Variants in MYL4 observed in about 807,000 individuals in gnomAD.
MYL4 encodes atrial myosin light chain 1.
A neutral mutation model predicts 21.6 loss-of-function variants in MYL4; 16 were observed. That is an observed-to-expected ratio of 0.74 (90% CI 0.50 to 1.12). The LOEUF is 1.12. Ranked by LOEUF, MYL4 falls within the 50% of genes most tolerant of loss-of-function variation. The pLI is 0.00. For missense variants in MYL4, 249 were observed against 252.9 expected, an observed-to-expected ratio of 0.98 and a Z score of 0.11; for synonymous variants, 82 against 95.7, an observed-to-expected ratio of 0.86 and a Z score of 0.83.
chr17:47,206,731 T>A (rs1206392494), upstream of MYL4, among the ~76,000 whole-genome samples: 1 of 152,166 alleles, frequency 6.6e-6, no homozygotes, highest in African/African-American at 2.4e-5. Context: ...CTCCTGATTG[T>A]TTTTCCTTTT....
chr17:47,221,920 G>A, intron 4 of MYL4, 65 bp downstream of exon 4: 1 of 1,551,348 alleles, frequency 6.4e-7, no homozygotes, highest in Non-Finnish European at 8.8e-7. Context: ...GTGCCAAGGT[G>A]ACATATGCTG....
At chr17:47,204,565 G>T (rs1249651264), upstream of MYL4, among the ~76,000 whole-genome samples, 1 of 152,004 alleles carries the variant, frequency 6.6e-6, no homozygotes, top group Non-Finnish European at 1.5e-5. Flanking sequence ...GAAAACTGAG[G>T]CATGAAGAAG....
At chr17:47,209,345 C>T, upstream of MYL4, 3 of 1,597,540 alleles carry the variant, frequency 1.9e-6, no homozygotes, top group South Asian at 3.3e-5. Context: ...AGCCCAGGCT[C>T]CTATCTCATC....
chr17:47,226,132 C>T (rs1050285309), downstream of MYL4, among the ~76,000 whole-genome samples: 13 of 152,094 alleles, frequency 8.5e-5, no homozygotes, highest in Non-Finnish European at 1.8e-4. Context: ...AAAGTGTTTT[C>T]CTTGCCCAAA....
the MYL4 span, among the ~76,000 whole-genome samples, chr17:47,192,976 G>A: frequency 6.6e-6 from 1 of 152,082 alleles, no homozygotes; most frequent in African/African-American, 2.4e-5. Context: ...AGTCAGATTT[G>A]GAGGCTGGCA....
downstream of MYL4, among the ~76,000 whole-genome samples, chr17:47,225,395 C>T (rs1271889227): frequency 6.6e-6 from 1 of 152,068 alleles, no homozygotes; most frequent in Non-Finnish European, 1.5e-5. Context: ...TGGTTTAGAC[C>T]CATAGCCTTT....
intron 2 of MYL4, among the ~76,000 whole-genome samples, chr17:47,216,307 CTT>C (rs11339637): frequency 0.098 from 13,584 of 138,162 alleles, 717 homozygotes; most frequent in South Asian, 0.2. Context: ...TTCACACTGG[CTT>C]TTTTTTTTTT....
chr17:47,191,853 C>T, the MYL4 span, among the ~76,000 whole-genome samples: 18,731 of 152,188 alleles, frequency 0.12, 1,324 homozygotes, highest in South Asian at 0.27. Context: ...CTCTTTTTCA[C>T]ACAACATGCT....
intron 4 of MYL4, 73 bp from the exon 5 acceptor site, chr17:47,222,307 G>A (rs1413862211): frequency 2.2e-6 from 3 of 1,391,168 alleles, no homozygotes; most frequent in Non-Finnish European, 3.1e-6. Context: ...CACTTAAGGG[G>A]GTACTTGGGT....
intron 2 of MYL4, among the ~76,000 whole-genome samples, chr17:47,214,984 G>C (rs751099730): frequency 1.3e-5 from 2 of 152,074 alleles, no homozygotes; most frequent in Admixed American, 6.5e-5. Context: ...GATTGTTTCC[G>C]GTGGGAGGAT....
At chr17:47,199,506 T>C (rs1198753502), upstream of MYL4, among the ~76,000 whole-genome samples, 1 of 151,874 alleles carries the variant, frequency 6.6e-6, no homozygotes, top group Admixed American at 6.6e-5. Flanking sequence ...TCTACTAAGA[T>C]GAATAAGAGA....
chr17:47,197,512 C>T (rs1326453221), upstream of MYL4, among the ~76,000 whole-genome samples: 1 of 152,106 alleles, frequency 6.6e-6, no homozygotes, highest in East Asian at 1.9e-4. Context: ...GACTAGGGCG[C>T]CTAGGGCTGA....
chr17:47,222,255 G>A, intron 4 of MYL4, 125 bp from the exon 5 acceptor site: 1 of 928,106 alleles, frequency 1.1e-6, no homozygotes, highest in Non-Finnish European at 1.7e-6. Context: ...GGAGAGGCTT[G>A]GTTTGAACCA....
rs1364326701 is a variant in MYL4, at chr17:47,223,401, G to A, written c.*16-108G>A. On this transcript the variant is annotated intron_variant, in intron 6 of 6. Transcript: ENST00000393450. ...GTCCCTGGCCTGTGCTCTTGACCCC[G>A]TTCTTCCTCACTTCTTTCCCTAGGT... The A allele has an allele frequency of 3.1e-5, 8 of 254,752 alleles. No homozygotes were observed. The East Asian group carries it at 3.9e-4, about 12-fold the overall frequency. 15.8% of individuals were successfully genotyped at this position (254,752 alleles called of 1,614,324 possible).
the MYL4 span, among the ~76,000 whole-genome samples, chr17:47,190,733 C>T: frequency 6.6e-6 from 1 of 152,326 alleles, no homozygotes; most frequent in Non-Finnish European, 1.5e-5. Flanking sequence ...TGAGTGGTAA[C>T]AGACTTTTAC....
intron 1 of MYL4, among the ~76,000 whole-genome samples, chr17:47,212,712 T>G (rs78033733): frequency 0.038 from 5,820 of 152,312 alleles, 178 homozygotes; most frequent in Non-Finnish European, 0.054. Flanking sequence ...ACTTTTCTTG[T>G]AAAGGTTAAA....
chr17:47,225,745 T>G (rs1229845565), downstream of MYL4, among the ~76,000 whole-genome samples: 1 of 152,180 alleles, frequency 6.6e-6, no homozygotes, highest in Non-Finnish European at 1.5e-5. Context: ...CCTCGCAGAC[T>G]GCTCTTTTTG....
At chr17:47,208,550 T>TACACACACACAC (rs55886095), upstream of MYL4, among the ~76,000 whole-genome samples, 66 of 145,964 alleles carry the variant, frequency 4.5e-4, no homozygotes, top group African/African-American at 1.6e-3. Context: ...TAGTAAGCAC[T>TACACACACACAC]ACACACACAC....
At chr17:47,213,969 C>T in intron 2 of MYL4, 143 bp downstream of exon 2, 1 of 985,332 alleles carries the variant, frequency 1.0e-6, no homozygotes, top group South Asian at 1.3e-5. Context: ...TGAGCATCTA[C>T]CATGTGTCAG....
Sources: allele counts gnomAD v4.1 joint callset (sites outside exome capture counted in the v4.1 genomes callset), GRCh38; gene constraint gnomAD v4.1.1; transcripts MANE v1.5; gene names NCBI Gene and HGNC (gene_info 2026-07-23, HGNC 2026-07-21).